The following RTTN variants were observed in gnomAD, a reference collection of about 807,000 sequenced individuals.
RTTN encodes rotatin.
RTTN carries 182 observed loss-of-function variants against 269.2 expected under a neutral mutation model. The ratio of observed to expected loss-of-function variants is 0.68; its 90% CI spans 0.60 to 0.76. The LOEUF (loss-of-function observed/expected upper bound fraction) is 0.76, where lower values mean the gene tolerates loss of function less well. Ranked by LOEUF, RTTN falls within the 30% of genes least tolerant of loss-of-function variation. RTTN has a pLI of 0.00. For missense variants in RTTN, 2,545 were observed against 2,608.6 expected, an observed-to-expected ratio of 0.98 and a Z score of 0.53; for synonymous variants, 1,006 against 963.5, an observed-to-expected ratio of 1.04 and a Z score of -0.82.
intron 25 of RTTN, among the ~76,000 whole-genome samples, chr18:70,123,055 T>C (rs1238149013): frequency 6.6e-6 from 1 of 152,160 alleles, no homozygotes; most frequent in African/African-American, 2.4e-5. Flanking sequence ...AATTAATTTG[T>C]ATAATATTTG....
At chr18:70,196,951 C>T (rs377001696) in intron 6 of RTTN, among the ~76,000 whole-genome samples, 1 of 152,208 alleles carries the variant, frequency 6.6e-6, no homozygotes, top group Non-Finnish European at 1.5e-5. Context: ...CAGGACATTA[C>T]ATTACAGAGA....
chr18:70,081,654 A>T (rs2058571715), intron 32 of RTTN, among the ~76,000 whole-genome samples: 1 of 152,220 alleles, frequency 6.6e-6, no homozygotes. Context: ...CATTCTTCAA[A>T]AATGTTAAGA....
intron 40 of RTTN, 186 bp from the exon 41 acceptor site, chr18:70,031,167 T>C: frequency 1.8e-6 from 1 of 550,940 alleles, no homozygotes; most frequent in Non-Finnish European, 3.2e-6. Context: ...TATAAGTTGC[T>C]TATAATATGG....
At chr18:70,070,933 G>A (rs745771501) in intron 34 of RTTN, among the ~76,000 whole-genome samples, 7 of 152,142 alleles carry the variant, frequency 4.6e-5, no homozygotes, top group Non-Finnish European at 1.0e-4. Context: ...AAAAGAGAAG[G>A]GGATAATATT....
chr18:70,138,498 G>A (rs566194311), intron 21 of RTTN: 11 of 152,008 alleles, frequency 7.2e-5, no homozygotes, highest in Non-Finnish European at 1.0e-4. Context: ...TAATTTAAAT[G>A]AAAATTATAA....
chr18:70,005,877 G>A (rs558014657), intron 47 of RTTN: 1 of 154,520 alleles, frequency 6.5e-6, no homozygotes, highest in Non-Finnish European at 1.4e-5. Flanking sequence ...TTTCTCTTGG[G>A]AACAACATGT....
At chr18:70,100,819 C>T (rs1004245003) in intron 28 of RTTN, among the ~76,000 whole-genome samples, 5 of 152,160 alleles carry the variant, frequency 3.3e-5, no homozygotes, top group Non-Finnish European at 7.3e-5. Context: ...GCCTTTTCTG[C>T]ATCTATTGAG....
intron 44 of RTTN, among the ~76,000 whole-genome samples, chr18:70,023,820 TTGCCCAGGC>T (rs1259123211): frequency 6.6e-6 from 1 of 152,196 alleles, no homozygotes; most frequent in African/African-American, 2.4e-5. Flanking sequence ...TCTCACTCTG[TTGCCCAGGC>T]TGGAGTATAG....
At chr18:70,116,659 T>C (rs143333534) in intron 26 of RTTN, among the ~76,000 whole-genome samples, 81 of 152,246 alleles carry the variant, frequency 5.3e-4, no homozygotes, top group African/African-American at 1.9e-3. Flanking sequence ...ATTTTGTCAC[T>C]GTTGACCTCT....
Position 70,051,432 on chromosome 18 carries a change from T to A in RTTN, c.5302A>T (p.Lys1768Ter), listed in dbSNP as rs778075676. ...TTACCAATCGCCGCTGTCCAGTGCT[T>A]GGCCAGGGCCACGGTAACAAACGGG... ...TLPFVTVALA[K>*]HWTAAIDMFC... is the part of the protein sequence containing the mutation. The change falls in exon 39 of 49, where the codon AAG becomes TAG. Residue 1768 changes from lysine (K) to a stop codon, truncating the protein, a stop_gained. Transcript: ENST00000640769. LOFTEE classifies it high-confidence loss of function. The A allele has an allele frequency of 2.5e-6, 4 of 1,613,464 alleles. No homozygotes were observed. The highest frequency in any genetic ancestry group is 3.4e-6 in the Non-Finnish European group (4 of 1,179,772).
chr18:70,057,745 A>C lies in RTTN; in HGVS notation c.5028T>G (p.Ala1676=). 6.2e-7 allele frequency: 1 copy of C among 1,613,104 alleles called. No homozygotes were observed. Among genetic ancestry groups the C allele is most frequent in the East Asian group, 2.2e-5 (1 of 44,848 alleles). The change falls in exon 37 of 49, where the codon GCT becomes GCG. Residue 1676 remains alanine (A), a synonymous_variant. Transcript: ENST00000640769. ...CAAACAGACTTGAGATGCTTACCTGAGCCTGAGTGTGTTCAGCTGGAGGTG... is the reference window on the plus strand; with the variant it reads ...CAAACAGACTTGAGATGCTTACCTGCGCCTGAGTGTGTTCAGCTGGAGGTG... ...PSSPPAEHTQ[A]QVSFLLEYLS...
At chr18:70,129,077 C>T (rs1315308257) in intron 23 of RTTN, 1 of 151,996 alleles carries the variant, frequency 6.6e-6, no homozygotes, top group Non-Finnish European at 1.5e-5. Flanking sequence ...GTTTCATCAT[C>T]AATAAATTCA....
chr18:70,061,004 G>A (rs548740177), intron 35 of RTTN, among the ~76,000 whole-genome samples: 4 of 151,538 alleles, frequency 2.6e-5, no homozygotes, highest in African/African-American at 7.3e-5. Flanking sequence ...ATTTGCTGAC[G>A]GAACTTAGAC....
At position 70,114,591 on chromosome 18, in the gene RTTN, G is replaced by A. The variant is rs770502697; in HGVS notation, c.3537C>T (p.Asn1179=). ...ILELLLRHSA[N]PLLDLLVLTE... ...TCAGAACCAAGAGGTCTAACAGTGG[G>A]TTTGCACTCTAAAAAATGAAATTTG... The change falls in exon 27 of 49, where the codon AAC becomes AAT. Residue 1179 remains asparagine, a synonymous_variant. Coordinates refer to ENST00000640769, the MANE Select transcript of RTTN (RefSeq NM_173630.4). 6.2e-7 allele frequency: 1 copy of A among 1,608,046 alleles called. No individual in the cohort carries two copies. The highest frequency in any genetic ancestry group is 1.3e-5 in the African/African-American group (1 of 74,696).
chr18:70,178,294 G>C (rs978494754), intron 10 of RTTN, among the ~76,000 whole-genome samples: 2 of 152,110 alleles, frequency 1.3e-5, no homozygotes, highest in African/African-American at 4.8e-5. Context: ...GCTACAACAT[G>C]GGTGAACCTT....
chr18:70,201,798 C>A, intron 4 of RTTN, 96 bp downstream of exon 4: 1 of 711,178 alleles, frequency 1.4e-6, no homozygotes, highest in African/African-American at 1.8e-5. Flanking sequence ...CTGAAACATT[C>A]AAGTTTGGTA....
At chr18:70,104,551 C>T (rs1025757103) in intron 28 of RTTN, among the ~76,000 whole-genome samples, 10 of 152,220 alleles carry the variant, frequency 6.6e-5, no homozygotes, top group Admixed American at 3.3e-4. Context: ...GAGCTGTGTT[C>T]CTCTGCAGGA....
At chr18:70,143,245 G>A in intron 18 of RTTN, among the ~76,000 whole-genome samples, 1 of 151,908 alleles carries the variant, frequency 6.6e-6, no homozygotes, top group East Asian at 1.9e-4. Context: ...GTTCCTTATA[G>A]ATGTTGGATA....
At chr18:70,121,729 T>C in intron 25 of RTTN, 29 bp from the exon 26 acceptor site, 1 of 1,514,274 alleles carries the variant, frequency 6.6e-7, no homozygotes. Context: ...AATCATGGTT[T>C]CTGGCGCTTT....
Sources: gnomAD v4.1 joint callset for allele counts (sites outside exome capture counted in the v4.1 genomes callset) on GRCh38, gnomAD v4.1.1 for gene constraint, MANE v1.5 for transcripts, NCBI Gene and HGNC (gene_info 2026-07-23, HGNC 2026-07-21) for gene names.